Variants in LMTK2 observed in about 807,000 individuals in gnomAD.
LMTK2 encodes serine/threonine-protein kinase LMTK2.
In LMTK2, 37 loss-of-function variants were observed where a neutral mutation model predicts 127.5. That is an observed-to-expected ratio of 0.29 (90% CI 0.22 to 0.38). LMTK2 has a LOEUF of 0.38. Ranked by LOEUF, LMTK2 falls within the 10% of genes least tolerant of loss-of-function variation. LMTK2 has a pLI of 1.00. For missense variants in LMTK2, 1,694 were observed against 1,920.3 expected (o/e 0.88, Z 2.20); for synonymous variants, 819 against 810.1 (o/e 1.01, Z -0.19).
At chr7:98,140,983 G>A (rs1796689799) in intron 2 of LMTK2, among the ~76,000 whole-genome samples, 1 of 151,626 alleles carries the variant, frequency 6.6e-6, no homozygotes, top group Non-Finnish European at 1.5e-5. Context: ...CTTGGTTCCT[G>A]GAGGTCCAGG....
At chr7:98,191,572 AT>A (rs1797525141) in intron 10 of LMTK2, 41 bp from the exon 11 acceptor site, 6 of 1,486,232 alleles carry the variant, frequency 4.0e-6, no homozygotes, top group Non-Finnish European at 5.4e-6. Context: ...AAAAAAAAAA[AT>A]TCGTGATGGT....
intron 11 of LMTK2, among the ~76,000 whole-genome samples, chr7:98,203,280 T>A (rs1475461423): frequency 6.6e-6 from 1 of 152,160 alleles, no homozygotes; most frequent in East Asian, 1.9e-4. Context: ...CCGACACACT[T>A]GTTGCTGGTG....
At chr7:98,123,899 A>G (rs932713019) in intron 1 of LMTK2, among the ~76,000 whole-genome samples, 1 of 151,862 alleles carries the variant, frequency 6.6e-6, no homozygotes, top group Non-Finnish European at 1.5e-5. Flanking sequence ...ATGTGCAAGT[A>G]TTTTTTTCAA....
rs968979385 is a variant in LMTK2 at position 98,156,325 on chromosome 7, C to T, written c.569+1449C>T. ...CTAAAAATACAAAAAATTAGTCGGG[C>T]GTGGTGTCGGGTGCCTGTAGTCCCA... is the stretch of plus-strand genomic sequence containing the variant. On this transcript the variant is annotated intron_variant, in intron 5 of 13. Coordinates refer to ENST00000297293, the MANE Select transcript of LMTK2 (RefSeq NM_014916.4). 3.3e-5 allele frequency among the ~76,000 whole-genome samples: 5 copies of T among 151,944 alleles called. No homozygotes were observed. The East Asian group carries it at 5.8e-4, about 18-fold the overall frequency.
At chr7:98,151,778 G>A (rs140813488) in intron 4 of LMTK2, among the ~76,000 whole-genome samples, 445 of 152,310 alleles carry the variant, frequency 2.9e-3, no homozygotes, top group African/African-American at 1.0e-2. Context: ...GGCTGAATCC[G>A]GATCAGGTGA....
rs1562913662 is a variant in LMTK2, at chr7:98,171,789, C to T, written c.791+115C>T. 2.2e-5 allele frequency: 26 copies of T among 1,194,744 alleles called. No homozygotes were observed. Among genetic ancestry groups the T allele is most frequent in the Non-Finnish European group, 2.8e-5 (25 of 884,826 alleles). 74.0% of individuals were successfully genotyped at this position (1,194,744 alleles called of 1,614,324 possible). A position where few individuals can be genotyped will look rare whatever the true frequency, so the allele number is the denominator to read the frequency against. Reference sequence around the variant, plus strand: ...AGGAGGTGGCAGAATGAACCCAGCTCATGTAGGTAGAAGCGATCTCGTTCT... The same window carrying T: ...AGGAGGTGGCAGAATGAACCCAGCTTATGTAGGTAGAAGCGATCTCGTTCT... On this transcript the variant is annotated intron_variant, in intron 7 of 13. Coordinates refer to ENST00000297293, the MANE Select transcript of LMTK2 (RefSeq NM_014916.4). The surrounding 1 kb of genome is among the most constrained non-coding windows in gnomAD (Gnocchi z 5.1).
chr7:98,164,381 C>G (rs1000979388), intron 6 of LMTK2, among the ~76,000 whole-genome samples: 1 of 152,110 alleles, frequency 6.6e-6, no homozygotes, highest in East Asian at 1.9e-4. Flanking sequence ...GTGAATAAGC[C>G]CCGCCCCTGA....
rs182511420 is a variant in LMTK2, at chr7:98,172,943, A to G, written c.791+1269A>G. Among the ~76,000 whole-genome samples, 54 of 152,272 alleles carry G rather than the reference A, an allele frequency of 3.5e-4. No individual in the cohort carries two copies. The East Asian group carries it at 8.5e-3, about 24-fold the overall frequency. ...TGGCTAATTTTTGTATTTTCAGTACAGATGGGGTTTCACCATGTTGGCCAG... is the reference window on the plus strand; with the variant it reads ...TGGCTAATTTTTGTATTTTCAGTACGGATGGGGTTTCACCATGTTGGCCAG... On this transcript the variant is annotated intron_variant, in intron 7 of 13. Coordinates refer to ENST00000297293, the MANE Select transcript of LMTK2 (RefSeq NM_014916.4).
In LMTK2 at chr7:98,147,656, T is replaced by C. The variant is rs150362107; in HGVS notation, c.377-3726T>C. On this transcript the variant is annotated intron_variant, in intron 3 of 13. Coordinates refer to ENST00000297293, the MANE Select transcript of LMTK2 (RefSeq NM_014916.4). ...TATTTGACAGTGTCCCACAAGTTCC[T>C]TGGGCTCTGTTCCTTTTTCTTCATC... Among the ~76,000 whole-genome samples the C allele has an allele frequency of 3.2e-3, 481 of 152,342 alleles. 2 individuals carry two copies. Among genetic ancestry groups the C allele is most frequent in the Middle Eastern group, 6.8e-3 (2 of 294 alleles).
chr7:98,206,819 C>T lies in LMTK2; in HGVS notation c.*1327C>T, dbSNP rs1797808654. The T allele has an allele frequency of 6.6e-6, 1 of 152,240 alleles. No individual in the cohort carries two copies. The highest frequency in any genetic ancestry group is 2.4e-5 in the African/African-American group (1 of 41,442). 9.4% of individuals were successfully genotyped at this position (152,240 alleles called of 1,614,324 possible). A position where few individuals can be genotyped will look rare whatever the true frequency, so the allele number is the denominator to read the frequency against. On this transcript the variant is annotated 3_prime_UTR_variant, in exon 14 of 14. Coordinates refer to ENST00000297293, the MANE Select transcript of LMTK2 (RefSeq NM_014916.4). Reference sequence around the variant, plus strand: ...ATGTGGGATGAGATAACACCACATCCTGCAGCTGTGAAGGGGGATGGACAA... The same window carrying T: ...ATGTGGGATGAGATAACACCACATCTTGCAGCTGTGAAGGGGGATGGACAA...
chr7:98,174,108 A>AG (rs1338798998), intron 7 of LMTK2, among the ~76,000 whole-genome samples: 2 of 149,490 alleles, frequency 1.3e-5, no homozygotes, highest in Admixed American at 6.6e-5. Context: ...TTGTTGTAAA[A>AG]AAAAAAAAAA....
intron 7 of LMTK2, among the ~76,000 whole-genome samples, chr7:98,178,900 T>C (rs542291686): frequency 6.6e-6 from 1 of 152,324 alleles, no homozygotes; most frequent in South Asian, 2.1e-4. Flanking sequence ...GCTATGCATG[T>C]GACCAGCCCA....
chr7:98,162,527 G>C (rs918549362), intron 6 of LMTK2, among the ~76,000 whole-genome samples: 1 of 152,174 alleles, frequency 6.6e-6, no homozygotes, highest in Admixed American at 6.5e-5. Context: ...ATGAGCAGAT[G>C]TGACTTCATG....
intron 3 of LMTK2, among the ~76,000 whole-genome samples, chr7:98,150,958 CAA>C (rs1796843634): frequency 6.6e-6 from 1 of 152,148 alleles, no homozygotes; most frequent in Non-Finnish European, 1.5e-5. Flanking sequence ...TAAAGTGTAT[CAA>C]AGTGTATATT....
intron 2 of LMTK2, among the ~76,000 whole-genome samples, chr7:98,140,369 C>G (rs1584258606): frequency 1.3e-5 from 2 of 151,804 alleles, no homozygotes; most frequent in East Asian, 3.9e-4. Context: ...CCAGGCTGGC[C>G]TAGAGCTCTC....
chr7:98,178,540 C>G (rs537692908), intron 7 of LMTK2, among the ~76,000 whole-genome samples: 1 of 152,338 alleles, frequency 6.6e-6, no homozygotes, highest in South Asian at 2.1e-4. Flanking sequence ...CCGGGCGGGG[C>G]TGGTGCCACT....
Position 98,208,108 on chromosome 7 carries a change from CAAAAA to C in LMTK2, c.*2623_*2627del, listed in dbSNP as rs531938424. 5.6e-3 allele frequency: 756 copies of C among 135,604 alleles called. 5 individuals are homozygous for C. The highest frequency in any genetic ancestry group is 0.02 in the African/African-American group (727 of 36,968). The allele number at this position is 135,604 out of a possible 1,614,324, so 8.4% of individuals were successfully genotyped here. A position where few individuals can be genotyped will look rare whatever the true frequency, so the allele number is the denominator to read the frequency against. ...CCTGGGTAACAGCCAGACCCTGTCT[CAAAAA>C]AAAAAACAATTTTTTTCATAACATA... is the stretch of plus-strand genomic sequence containing the variant. On this transcript the variant is annotated 3_prime_UTR_variant, in exon 14 of 14. Coordinates refer to ENST00000297293, the MANE Select transcript of LMTK2 (RefSeq NM_014916.4).
intron 2 of LMTK2, among the ~76,000 whole-genome samples, chr7:98,140,143 T>TGTCCGTCC (rs1562902710): frequency 1.4e-4 from 1 of 7,342 alleles, no homozygotes. Flanking sequence ...TCTTTCTTTC[T>TGTCCGTCC]TTTCTTTTCT....
chr7:98,140,313 AT>A (rs1182615392), intron 2 of LMTK2, among the ~76,000 whole-genome samples: 85 of 151,292 alleles, frequency 5.6e-4, no homozygotes, highest in African/African-American at 2.0e-3. Context: ...TGCCTGACTA[AT>A]TTTTTTAAAT....
Sources: gnomAD v4.1 joint callset for allele counts (sites outside exome capture counted in the v4.1 genomes callset) on GRCh38, gnomAD v4.1.1 for gene constraint, Gnocchi (gnomAD v3.1) non-coding constraint, MANE v1.5 for transcripts, NCBI Gene and HGNC (gene_info 2026-07-23, HGNC 2026-07-21) for gene names.